The following EGFLAM variants were observed in gnomAD, a reference collection of about 807,000 sequenced individuals.
EGFLAM encodes the protein pikachurin.
In EGFLAM, 79 loss-of-function variants were observed where a neutral mutation model predicts 113.1. The observed-to-expected ratio is 0.70, with a 90% CI of 0.58 to 0.84. The LOEUF is 0.84. Among genes scored for constraint, EGFLAM ranks in the 40% least tolerant of loss-of-function variants. The pLI, the probability that EGFLAM is intolerant of heterozygous loss-of-function variation, is 0.00. For missense variants in EGFLAM, 1,265 were observed against 1,291.6 expected, an observed-to-expected ratio of 0.98 and a Z score of 0.32; for synonymous variants, 504 against 487.6, an observed-to-expected ratio of 1.03 and a Z score of -0.44.
At chr5:38,403,851 G>A in intron 6 of EGFLAM, 1 of 1,613,920 alleles carries the variant, frequency 6.2e-7, no homozygotes, top group Non-Finnish European at 8.5e-7. Context: ...CTGGCACACA[G>A]ATACGCTGCA....
At chr5:38,380,884 T>C (rs549942108) in intron 6 of EGFLAM, among the ~76,000 whole-genome samples, 16 of 152,272 alleles carry the variant, frequency 1.1e-4, no homozygotes, top group African/African-American at 3.8e-4. Context: ...TTACCCCCTC[T>C]GGCTAGGTAG....
intron 1 of EGFLAM, among the ~76,000 whole-genome samples, chr5:38,282,776 A>G (rs908578592): frequency 6.6e-6 from 1 of 152,238 alleles, no homozygotes; most frequent in East Asian, 1.9e-4. Context: ...AAGGCAAAAT[A>G]TATTAGGAAA....
chr5:38,418,803 C>G (rs1561081195), intron 12 of EGFLAM, among the ~76,000 whole-genome samples: 1 of 152,148 alleles, frequency 6.6e-6, no homozygotes, highest in Non-Finnish European at 1.5e-5. Flanking sequence ...AGTTAAATAA[C>G]TTATTGAAAG....
intron 1 of EGFLAM, among the ~76,000 whole-genome samples, chr5:38,322,396 C>T (rs1470202401): frequency 6.6e-6 from 1 of 152,188 alleles, no homozygotes; most frequent in African/African-American, 2.4e-5. Flanking sequence ...TGGGACTCCA[C>T]ACTCCGCTCA....
chr5:38,375,969 A>G (rs1318189182), intron 6 of EGFLAM, among the ~76,000 whole-genome samples: 1 of 152,244 alleles, frequency 6.6e-6, no homozygotes, highest in Admixed American at 6.5e-5. Flanking sequence ...GAGGCGTTCC[A>G]CACAAATCAG....
At chr5:38,293,308 G>GA (rs1758378062) in intron 1 of EGFLAM, among the ~76,000 whole-genome samples, 1 of 152,110 alleles carries the variant, frequency 6.6e-6, no homozygotes, top group South Asian at 2.1e-4. Flanking sequence ...CAACCTTTCT[G>GA]AACTTTGGTT....
intron 5 of EGFLAM, among the ~76,000 whole-genome samples, chr5:38,352,615 C>G (rs150198292): frequency 0.012 from 1,798 of 151,416 alleles, 41 homozygotes; most frequent in African/African-American, 0.042. Flanking sequence ...CCATTGCACT[C>G]CAGCCTGGGT....
At chr5:38,307,464 C>G (rs1758751845) in intron 1 of EGFLAM, among the ~76,000 whole-genome samples, 1 of 152,198 alleles carries the variant, frequency 6.6e-6, no homozygotes, top group South Asian at 2.1e-4. Context: ...TTCCTGCCAC[C>G]ATGTGAAGAA....
chr5:38,435,806 C>CTTTTTTTTTTTTTT (rs60461690), intron 16 of EGFLAM, among the ~76,000 whole-genome samples: 4 of 88,924 alleles, frequency 4.5e-5, no homozygotes, highest in African/African-American at 1.9e-4. Context: ...CCGGCTCTCT[C>CTTTTTTTTTTTTTT]TTTTTTTTTT....
intron 11 of EGFLAM, among the ~76,000 whole-genome samples, chr5:38,415,531 A>G (rs1741613978): frequency 6.6e-6 from 1 of 152,084 alleles, no homozygotes; most frequent in Non-Finnish European, 1.5e-5. Context: ...AAAATTAGCC[A>G]GGTGTGGTGG....
chr5:38,462,864 A>G, intron 20 of EGFLAM, 44 bp from the exon 21 acceptor site: 1 of 1,608,202 alleles, frequency 6.2e-7, no homozygotes, highest in Non-Finnish European at 8.5e-7. Context: ...ATGAACTCCA[A>G]AAATGCCAGG....
intron 6 of EGFLAM, among the ~76,000 whole-genome samples, chr5:38,404,150 T>C (rs774757725): frequency 6.6e-6 from 1 of 152,172 alleles, no homozygotes; most frequent in Non-Finnish European, 1.5e-5. Context: ...CTGACAAAAA[T>C]GACTTTCTGC....
chr5:38,452,940 G>T (rs1250072725), intron 19 of EGFLAM, among the ~76,000 whole-genome samples: 1 of 152,166 alleles, frequency 6.6e-6, no homozygotes, highest in Non-Finnish European at 1.5e-5. Context: ...GCTTCCAAGG[G>T]GCAGGGCCTG....
chr5:38,265,249 G>A (rs1757604836), intron 1 of EGFLAM, among the ~76,000 whole-genome samples: 2 of 152,140 alleles, frequency 1.3e-5, no homozygotes, highest in Non-Finnish European at 2.9e-5. Flanking sequence ...GCCCAAAAGT[G>A]GTCTAGTAAT....
chr5:38,442,685 A>G (rs1742585738), intron 17 of EGFLAM, among the ~76,000 whole-genome samples: 1 of 152,002 alleles, frequency 6.6e-6, no homozygotes, highest in Non-Finnish European at 1.5e-5. Flanking sequence ...CATTCTGGTC[A>G]TTTTCTCTTT....
chr5:38,294,587 C>T (rs961122461), intron 1 of EGFLAM, among the ~76,000 whole-genome samples: 1 of 152,068 alleles, frequency 6.6e-6, no homozygotes, highest in African/African-American at 2.4e-5. Flanking sequence ...CAATACCCCT[C>T]TCCAATGCTG....
At chr5:38,311,423 T>C (rs1738443264) in intron 1 of EGFLAM, among the ~76,000 whole-genome samples, 1 of 152,184 alleles carries the variant, frequency 6.6e-6, no homozygotes, top group Non-Finnish European at 1.5e-5. Context: ...AGATCCTATA[T>C]GTAAGTGAGA....
chr5:38,402,431 AC>A (rs1741145082), intron 6 of EGFLAM, among the ~76,000 whole-genome samples: 1 of 152,150 alleles, frequency 6.6e-6, no homozygotes, highest in Non-Finnish European at 1.5e-5. Context: ...GTGAGGATTA[AC>A]TTAAGCGATG....
intron 12 of EGFLAM, among the ~76,000 whole-genome samples, chr5:38,419,128 G>C (rs561903179): frequency 2.1e-4 from 32 of 152,242 alleles, no homozygotes; most frequent in African/African-American, 7.7e-4. Context: ...TGGTATGTCT[G>C]TATGTCCAAA....
Sources: allele counts gnomAD v4.1 joint callset (sites outside exome capture counted in the v4.1 genomes callset), GRCh38; gene constraint gnomAD v4.1.1; transcripts MANE v1.5; gene names NCBI Gene and HGNC (gene_info 2026-07-23, HGNC 2026-07-21).